Variants in RIT2 observed in about 807,000 individuals in gnomAD.
RIT2 encodes Ras like without CAAX 2.
In RIT2, 24 loss-of-function variants were observed where a neutral mutation model predicts 23.7. That is an observed-to-expected ratio of 1.01 (90% CI 0.73 to 1.43). The LOEUF (loss-of-function observed/expected upper bound fraction) is 1.43, where lower values mean the gene tolerates loss of function less well. Among genes scored for constraint, RIT2 ranks in the 40% most tolerant of loss-of-function variants. RIT2 has a pLI of 0.00. For synonymous variants in RIT2, 107 were observed against 91.1 expected, an observed-to-expected ratio of 1.17 and a Z score of -0.99; for missense variants, 236 against 266.9, an observed-to-expected ratio of 0.88 and a Z score of 0.81.
intron 4 of RIT2, among the ~76,000 whole-genome samples, chr18:42,838,714 T>C (rs1346791888): frequency 6.6e-6 from 1 of 152,194 alleles, no homozygotes; most frequent in Non-Finnish European, 1.5e-5. Flanking sequence ...CTTTTTAGCC[T>C]TGCAATGTCT....
At chr18:43,105,648 G>A (rs1397150087) in intron 1 of RIT2, among the ~76,000 whole-genome samples, 1 of 152,132 alleles carries the variant, frequency 6.6e-6, no homozygotes, top group Non-Finnish European at 1.5e-5. Flanking sequence ...GAGGAAAAGG[G>A]AGACTCAAAG....
chr18:42,836,094 G>GAAAA (rs958324302), intron 4 of RIT2, among the ~76,000 whole-genome samples: 1 of 152,148 alleles, frequency 6.6e-6, no homozygotes, highest in African/African-American at 2.4e-5. Context: ...GTTGTTGGAA[G>GAAAA]AAAGAAAATT....
At chr18:43,114,425 C>T (rs941372149) in intron 1 of RIT2, among the ~76,000 whole-genome samples, 5 of 152,094 alleles carry the variant, frequency 3.3e-5, no homozygotes, top group Admixed American at 1.3e-4. Flanking sequence ...TTTCTTCTGC[C>T]GAAAATATTG....
chr18:42,996,597 A>T (rs748407910), intron 2 of RIT2, among the ~76,000 whole-genome samples: 9 of 151,942 alleles, frequency 5.9e-5, no homozygotes, highest in Non-Finnish European at 1.2e-4. Flanking sequence ...TCAACTACTG[A>T]GCACCTTGTG....
At chr18:43,028,731 C>A (rs1911788229) in intron 2 of RIT2, among the ~76,000 whole-genome samples, 1 of 151,906 alleles carries the variant, frequency 6.6e-6, no homozygotes, top group Admixed American at 6.6e-5. Flanking sequence ...GTGGTTTGCT[C>A]TCTAGAATAA....
chr18:43,060,301 C>T (rs1912614533), intron 1 of RIT2, among the ~76,000 whole-genome samples: 1 of 152,126 alleles, frequency 6.6e-6, no homozygotes, highest in South Asian at 2.1e-4. Flanking sequence ...GCTATCTTCA[C>T]AGCCAAGCAC....
intron 4 of RIT2, among the ~76,000 whole-genome samples, chr18:42,844,634 G>A (rs993590510): frequency 2.0e-5 from 3 of 152,012 alleles, no homozygotes; most frequent in Admixed American, 1.3e-4. Context: ...ACTGAGTCTG[G>A]GGTCTTTATA....
At chr18:43,048,762 C>T (rs186132414) in intron 1 of RIT2, among the ~76,000 whole-genome samples, 210 of 152,212 alleles carry the variant, frequency 1.4e-3, no homozygotes, top group Non-Finnish European at 2.6e-3. Context: ...AAAACCACAG[C>T]TCACATATGT....
In RIT2 at chr18:43,047,115, T is replaced by G. The variant is rs184126639; in HGVS notation, c.104-13248A>C. Among the ~76,000 whole-genome samples the G allele has an allele frequency of 3.6e-3, 546 of 152,314 alleles. 3 individuals carry two copies. The highest frequency in any genetic ancestry group is 0.012 in the African/African-American group (519 of 41,578). On this transcript the variant is annotated intron_variant, in intron 1 of 4. Transcript: ENST00000326695. ...TGAAAACATACTTGGACTAGTTGTC[T>G]GTATGACTCCAGATCATTTCTTTTT...
At chr18:43,018,902 A>G (rs1598749708) in intron 2 of RIT2, among the ~76,000 whole-genome samples, 1 of 152,114 alleles carries the variant, frequency 6.6e-6, no homozygotes, top group African/African-American at 2.4e-5. Flanking sequence ...AGGAAAATAA[A>G]GAGCTCAATA....
intron 4 of RIT2, among the ~76,000 whole-genome samples, chr18:42,905,000 T>TA (rs1017787763): frequency 2.6e-5 from 4 of 152,268 alleles, no homozygotes; most frequent in Admixed American, 1.3e-4. Context: ...ATACATAAAT[T>TA]AGTGCAATTG....
intron 2 of RIT2, among the ~76,000 whole-genome samples, chr18:42,980,028 C>T (rs1945000): frequency 2.6e-5 from 4 of 151,932 alleles, no homozygotes; most frequent in Admixed American, 2.0e-4. Context: ...GGCTCTGCCA[C>T]GAAAAGAGAA....
intron 2 of RIT2, among the ~76,000 whole-genome samples, chr18:43,002,782 G>GTATAT (rs1359674529): frequency 6.6e-6 from 1 of 151,932 alleles, no homozygotes; most frequent in Non-Finnish European, 1.5e-5. Context: ...AAATCTAGGA[G>GTATAT]TACATTACAT....
At chr18:42,834,726 T>C (rs2144014655) in intron 4 of RIT2, among the ~76,000 whole-genome samples, 1 of 152,302 alleles carries the variant, frequency 6.6e-6, no homozygotes, top group East Asian at 1.9e-4. Context: ...TATTTAAACA[T>C]GCAAGTATAC....
intron 2 of RIT2, among the ~76,000 whole-genome samples, chr18:43,031,910 G>A (rs2144281894): frequency 6.6e-6 from 1 of 152,128 alleles, no homozygotes; most frequent in Admixed American, 6.6e-5. Context: ...TTCCTCTTAA[G>A]AGGTCATTAA....
intron 4 of RIT2, among the ~76,000 whole-genome samples, chr18:42,823,667 CTAGT>C (rs1002181189): frequency 6.6e-6 from 1 of 152,064 alleles, no homozygotes; most frequent in African/African-American, 2.4e-5. Flanking sequence ...TAAAATAATA[CTAGT>C]AAGTACATGT....
Position 43,092,395 on chromosome 18 carries a change from T to A in RIT2, c.103+23022A>T, listed in dbSNP as rs76553750. Among the ~76,000 whole-genome samples, 401 of 152,244 alleles carry A rather than the reference T, an allele frequency of 2.6e-3. 2 individuals carry two copies. Among genetic ancestry groups the A allele is most frequent in the African/African-American group, 9.1e-3 (377 of 41,572 alleles). On this transcript the variant is annotated intron_variant, in intron 1 of 4. Coordinates refer to ENST00000326695, the MANE Select transcript of RIT2 (RefSeq NM_002930.4). Reference sequence around the variant, plus strand: ...GTCACAAAATTACGAGGTTTGAATATCTTAAGACTACTTTGTGTGAAAAAT... The same window carrying A: ...GTCACAAAATTACGAGGTTTGAATAACTTAAGACTACTTTGTGTGAAAAAT...
At chr18:43,003,101 C>T (rs1245247272) in intron 2 of RIT2, among the ~76,000 whole-genome samples, 3 of 151,974 alleles carry the variant, frequency 2.0e-5, no homozygotes, top group African/African-American at 7.2e-5. Context: ...GGAACTCAGG[C>T]TGGCTGGTAC....
At chr18:42,875,943 C>T (rs1381864120) in intron 4 of RIT2, among the ~76,000 whole-genome samples, 2 of 151,922 alleles carry the variant, frequency 1.3e-5, no homozygotes, top group Non-Finnish European at 2.9e-5. Context: ...CATTTATCAC[C>T]ACAGAGTTTG....
Sources: gnomAD v4.1 joint callset for allele counts (sites outside exome capture counted in the v4.1 genomes callset) on GRCh38, gnomAD v4.1.1 for gene constraint, MANE v1.5 for transcripts, NCBI Gene and HGNC (gene_info 2026-07-23, HGNC 2026-07-21) for gene names.